CDKAL1: variants seen among roughly 807,000 people sequenced by gnomAD.
The protein encoded by CDKAL1 is CDKAL1 threonylcarbamoyladenosine tRNA methylthiotransferase.
A neutral mutation model predicts 68.2 loss-of-function variants in CDKAL1; 32 were observed. The observed-to-expected ratio is 0.47, with a 90% CI of 0.35 to 0.63. CDKAL1 has a LOEUF of 0.63. Among genes scored for constraint, CDKAL1 ranks in the 30% least tolerant of loss-of-function variants. CDKAL1 has a pLI of 0.00. For missense variants in CDKAL1, 606 were observed against 696.7 expected (o/e 0.87, Z 1.47); for synonymous variants, 234 against 244.3 (o/e 0.96, Z 0.39).
chr6:20,990,660 C>G (rs550325222), intron 10 of CDKAL1, among the ~76,000 whole-genome samples: 1 of 152,048 alleles, frequency 6.6e-6, no homozygotes, highest in African/African-American at 2.4e-5. Context: ...CTTTCTGATG[C>G]GATTAATGAA....
intron 4 of CDKAL1, among the ~76,000 whole-genome samples, chr6:20,614,580 A>C (rs1273338762): frequency 6.6e-6 from 1 of 152,168 alleles, no homozygotes; most frequent in Non-Finnish European, 1.5e-5. Flanking sequence ...GTTCAAACGT[A>C]CCCACAAGTA....
intron 8 of CDKAL1, among the ~76,000 whole-genome samples, chr6:20,796,100 C>A (rs143904863): frequency 4.6e-5 from 7 of 152,160 alleles, no homozygotes; most frequent in East Asian, 1.9e-4. Context: ...ATATGACTGT[C>A]TACATAGAAA....
intron 4 of CDKAL1, among the ~76,000 whole-genome samples, chr6:20,564,330 G>C (rs1184746157): frequency 6.6e-6 from 1 of 152,158 alleles, no homozygotes; most frequent in African/African-American, 2.4e-5. Context: ...CCTTTCATCT[G>C]TTAAAGATGT....
At chr6:20,604,651 A>G (rs1766256865) in intron 4 of CDKAL1, among the ~76,000 whole-genome samples, 1 of 152,190 alleles carries the variant, frequency 6.6e-6, no homozygotes, top group Admixed American at 6.5e-5. Context: ...GTCTTGCCCC[A>G]TACCCCGTGA....
intron 5 of CDKAL1, among the ~76,000 whole-genome samples, chr6:20,686,660 G>A (rs1349042150): frequency 6.6e-6 from 1 of 152,140 alleles, no homozygotes; most frequent in South Asian, 2.1e-4. Flanking sequence ...CCCAATCTGT[G>A]GAAAAATTAC....
chr6:20,556,305 C>A (rs758561238), intron 4 of CDKAL1, among the ~76,000 whole-genome samples: 105 of 151,954 alleles, frequency 6.9e-4, no homozygotes, highest in Non-Finnish European at 1.3e-3. Flanking sequence ...GCAGAGGCTG[C>A]AGTGAGCTGA....
At chr6:20,739,691 G>A in intron 6 of CDKAL1, 76 bp downstream of exon 6, 2 of 767,166 alleles carry the variant, frequency 2.6e-6, no homozygotes, top group Admixed American at 2.8e-5. Context: ...TTTATTTTCT[G>A]TTTGTAGGTT....
chr6:20,607,230 A>C (rs1296123513), intron 4 of CDKAL1, among the ~76,000 whole-genome samples: 2 of 152,236 alleles, frequency 1.3e-5, no homozygotes, highest in Non-Finnish European at 2.9e-5. Context: ...AAACTTGTCT[A>C]ACCTAGGTGT....
At chr6:20,747,325 G>A (rs1396418450) in intron 6 of CDKAL1, among the ~76,000 whole-genome samples, 2 of 152,166 alleles carry the variant, frequency 1.3e-5, no homozygotes, top group African/African-American at 4.8e-5. Context: ...TCTCTACAGA[G>A]TGCTGATTTC....
At chr6:21,108,578 C>A in intron 13 of CDKAL1, 115 bp downstream of exon 13, 1 of 619,678 alleles carries the variant, frequency 1.6e-6, no homozygotes, top group Non-Finnish European at 2.7e-6. Context: ...ATTTATATTT[C>A]AATTTAAATT....
chr6:20,713,962 C>G (rs1771965033), intron 5 of CDKAL1, among the ~76,000 whole-genome samples: 1 of 152,036 alleles, frequency 6.6e-6, no homozygotes, highest in African/African-American at 2.4e-5. Flanking sequence ...TTTAAACAAA[C>G]TATTTTATCC....
At position 21,039,168 on chromosome 6, in the gene CDKAL1, T is replaced by C. The variant is rs141407257; in HGVS notation, c.1056-25880T>C. 8.7e-4 allele frequency among the ~76,000 whole-genome samples: 132 copies of C among 152,294 alleles called. 1 individual carries two copies. Among genetic ancestry groups the C allele is most frequent in the African/African-American group, 3.0e-3 (126 of 41,564 alleles). On this transcript the variant is annotated intron_variant, in intron 11 of 15. Transcript: ENST00000274695. Reference sequence around the variant, plus strand: ...GCCTTCTCTCAGATCAGCTGTGTTATTACATTCTTACAGGAGCACGAACCC... The same window carrying C: ...GCCTTCTCTCAGATCAGCTGTGTTACTACATTCTTACAGGAGCACGAACCC...
At chr6:20,678,177 GCAT>G (rs1008260585) in intron 5 of CDKAL1, among the ~76,000 whole-genome samples, 4 of 150,632 alleles carry the variant, frequency 2.7e-5, no homozygotes, top group Admixed American at 2.0e-4. Context: ...TATTGTGAAT[GCAT>G]TTCTTCTTGC....
At chr6:20,918,602 A>T (rs1762821281) in intron 9 of CDKAL1, among the ~76,000 whole-genome samples, 2 of 152,212 alleles carry the variant, frequency 1.3e-5, no homozygotes, top group African/African-American at 4.8e-5. Flanking sequence ...TTCTACCTAG[A>T]TGTAAGGACT....
rs1404423154 is a variant in CDKAL1, at chr6:20,825,060, G to A, written c.639-21015G>A. The stretch of plus-strand genomic sequence containing the variant: ...TCTTCTCATGAGTAGGCTGGAGAGA[G>A]CATGTGCCAAATCCCGACTCCTTGG... On this transcript the variant is annotated intron_variant, in intron 8 of 15. Coordinates refer to ENST00000274695, the MANE Select transcript of CDKAL1 (RefSeq NM_017774.3). Among the ~76,000 whole-genome samples the A allele has an allele frequency of 2.6e-5, 4 of 152,198 alleles. No individual in the cohort carries two copies. In the East Asian group the frequency reaches 7.7e-4, roughly 29 times the overall value.
intron 7 of CDKAL1, among the ~76,000 whole-genome samples, chr6:20,768,083 C>T (rs1438054220): frequency 6.6e-6 from 1 of 152,102 alleles, no homozygotes; most frequent in Non-Finnish European, 1.5e-5. Context: ...TATTGTAATT[C>T]TGAAAATTAA....
intron 9 of CDKAL1, among the ~76,000 whole-genome samples, chr6:20,867,588 A>G (rs1759976728): frequency 1.3e-5 from 2 of 150,536 alleles, no homozygotes; most frequent in South Asian, 4.2e-4. Context: ...TTAGAGACAC[A>G]GTATGTTTTC....
intron 9 of CDKAL1, among the ~76,000 whole-genome samples, chr6:20,929,611 A>T (rs1763335914): frequency 6.6e-6 from 1 of 152,182 alleles, no homozygotes. Context: ...AAAGTGTCAA[A>T]ATAGATTTTG....
intron 13 of CDKAL1, among the ~76,000 whole-genome samples, chr6:21,181,116 G>A (rs1415672349): frequency 1.3e-5 from 2 of 152,078 alleles, no homozygotes; most frequent in Non-Finnish European, 2.9e-5. Context: ...AGCTGAGAAA[G>A]CCACACTCAC....
Sources: allele counts gnomAD v4.1 joint callset (sites outside exome capture counted in the v4.1 genomes callset), GRCh38; gene constraint gnomAD v4.1.1; transcripts MANE v1.5; gene names NCBI Gene and HGNC (gene_info 2026-07-23, HGNC 2026-07-21).